Variants in IMMP2L observed in about 807,000 individuals in gnomAD.
IMMP2L encodes the protein mitochondrial inner membrane protease subunit 2.
Under a neutral mutation model 19.3 loss-of-function variants are expected in IMMP2L, and 18 were observed. The ratio of observed to expected loss-of-function variants is 0.93; its 90% CI spans 0.64 to 1.38. The LOEUF (loss-of-function observed/expected upper bound fraction) is 1.38. Ranked by LOEUF, IMMP2L falls within the 40% of genes most tolerant of loss-of-function variation. The probability of loss-of-function intolerance (pLI) is 0.00; values close to 1 mark genes in which losing one functional copy is unlikely to be tolerated. For missense variants in IMMP2L, 233 were observed against 218.2 expected (o/e 1.07, Z -0.43); for synonymous variants, 76 against 73.0 (o/e 1.04, Z -0.21).
intron 3 of IMMP2L, among the ~76,000 whole-genome samples, chr7:111,114,649 T>C (rs547086515): frequency 1.3e-5 from 2 of 151,338 alleles, no homozygotes; most frequent in Admixed American, 6.6e-5. Context: ...GGCAGGAGAA[T>C]TGTTTGAACC....
chr7:110,684,868 T>C (rs956226784), intron 5 of IMMP2L, among the ~76,000 whole-genome samples: 1 of 152,024 alleles, frequency 6.6e-6, no homozygotes, highest in Non-Finnish European at 1.5e-5. Flanking sequence ...ATGGATGAAG[T>C]CTTTTCACAA....
chr7:111,331,299 T>C (rs979734686), intron 3 of IMMP2L, among the ~76,000 whole-genome samples: 2 of 151,874 alleles, frequency 1.3e-5, no homozygotes, highest in Non-Finnish European at 2.9e-5. Context: ...ATGGAGAACA[T>C]TATGCTAAGT....
Position 111,502,413 on chromosome 7 carries a change from A to G in IMMP2L, c.136-15072T>C, listed in dbSNP as rs1009098080. Among the ~76,000 whole-genome samples the G allele has an allele frequency of 2.6e-5, 4 of 152,298 alleles. 1 individual carries two copies. The highest frequency in any genetic ancestry group is 6.8e-3 in the Middle Eastern group (2 of 294). ...GCTGTCAACATTAGACAGATCAACG[A>G]GACAGAAAGTTAACAAGGATATCCA... On this transcript the variant is annotated intron_variant, in intron 2 of 5. Transcript: ENST00000405709.
At chr7:111,463,303 A>G (rs1039737900) in intron 3 of IMMP2L, among the ~76,000 whole-genome samples, 4 of 152,014 alleles carry the variant, frequency 2.6e-5, no homozygotes, top group South Asian at 4.2e-4. Flanking sequence ...CAGATCTTCA[A>G]CTTTTCTGGG....
intron 3 of IMMP2L, among the ~76,000 whole-genome samples, chr7:111,202,667 A>C (rs2129615843): frequency 6.6e-6 from 1 of 152,332 alleles, no homozygotes; most frequent in East Asian, 1.9e-4. Flanking sequence ...GGAAAATATT[A>C]TCCAAGCAAA....
rs556138165 is a variant in IMMP2L at position 111,066,441 on chromosome 7, T to C, written c.240-102876A>G. ...AACAATAAAAACAAAGCAGAAGGCA[T>C]TGGAAAAAAAGATTTTTGTGAAGGA... On this transcript the variant is annotated intron_variant, in intron 3 of 5. Transcript: ENST00000405709. Among the ~76,000 whole-genome samples the C allele has an allele frequency of 5.3e-5, 8 of 152,286 alleles. No individual in the cohort carries two copies. In the South Asian group the frequency reaches 1.2e-3, roughly 24 times the overall value.
chr7:111,279,945 C>T (rs1269563229), intron 3 of IMMP2L, among the ~76,000 whole-genome samples: 2 of 152,108 alleles, frequency 1.3e-5, no homozygotes, highest in African/African-American at 4.8e-5. Flanking sequence ...TGCTGACTAA[C>T]CCACTAGTGT....
chr7:110,750,764 G>T (rs1239806924), intron 5 of IMMP2L, among the ~76,000 whole-genome samples: 1 of 151,982 alleles, frequency 6.6e-6, no homozygotes, highest in Non-Finnish European at 1.5e-5. Flanking sequence ...ATTAATGATA[G>T]GGAACAAGGC....
rs569003251 is a variant in IMMP2L, at chr7:111,239,685, T to G, written c.239+247553A>C. On this transcript the variant is annotated intron_variant, in intron 3 of 5. Transcript: ENST00000405709. ...AGAAAACTTAATCTTCTCCCACATT[T>G]TCAACTGCCTGTGTTTTACTGCCAA... 9.9e-5 allele frequency among the ~76,000 whole-genome samples: 15 copies of G among 152,042 alleles called. 1 individual carries two copies. In the South Asian group the frequency reaches 3.1e-3, roughly 32 times the overall value.
At chr7:111,365,324 C>T (rs1337772367) in intron 3 of IMMP2L, among the ~76,000 whole-genome samples, 1 of 152,080 alleles carries the variant, frequency 6.6e-6, no homozygotes, top group Non-Finnish European at 1.5e-5. Flanking sequence ...TATTTTCATG[C>T]TTATCCTTTT....
chr7:111,351,471 G>C (rs980596034), intron 3 of IMMP2L, among the ~76,000 whole-genome samples: 1 of 152,138 alleles, frequency 6.6e-6, no homozygotes, highest in Non-Finnish European at 1.5e-5. Flanking sequence ...TTACAGGTGT[G>C]AGCCACCGCA....
intron 3 of IMMP2L, among the ~76,000 whole-genome samples, chr7:111,279,493 C>A (rs1324743685): frequency 6.6e-6 from 1 of 152,092 alleles, no homozygotes; most frequent in Non-Finnish European, 1.5e-5. Flanking sequence ...GAGGCAGCAA[C>A]TAAAAAGCTA....
chr7:111,029,875 A>C (rs965369528), intron 3 of IMMP2L, among the ~76,000 whole-genome samples: 2 of 152,142 alleles, frequency 1.3e-5, no homozygotes, highest in Admixed American at 6.5e-5. Context: ...CAGCTTTAAA[A>C]ACACTGACAG....
rs111476021 is a variant in IMMP2L at position 111,021,096 on chromosome 7, C to T, written c.240-57531G>A. 6.1e-4 allele frequency among the ~76,000 whole-genome samples: 93 copies of T among 152,270 alleles called. 1 individual carries two copies. The highest frequency in any genetic ancestry group is 2.1e-3 in the African/African-American group (88 of 41,562). On this transcript the variant is annotated intron_variant, in intron 3 of 5. Coordinates refer to ENST00000405709, the MANE Select transcript of IMMP2L (RefSeq NM_032549.4). ...TTAATAAATTAGTAAATAGTAACCA[C>T]ACTATTCAGAATAACACTGCTCAAT... is the stretch of plus-strand genomic sequence containing the variant.
chr7:110,691,246 T>A (rs555708109), intron 5 of IMMP2L, among the ~76,000 whole-genome samples: 13 of 152,202 alleles, frequency 8.5e-5, no homozygotes, highest in Admixed American at 2.0e-4. Flanking sequence ...TAAGTGGTGC[T>A]AAGAAAACTG....
In IMMP2L at chr7:111,538,566, A is replaced by AGGCAGGAGG. The variant is rs931872880; in HGVS notation, c.-2-17126_-2-17118dup. On this transcript the variant is annotated intron_variant, in intron 1 of 5. Coordinates refer to ENST00000405709, the MANE Select transcript of IMMP2L (RefSeq NM_032549.4). ...TGTAATCCCAGCACTTTGGAGGCCA[A>AGGCAGGAGG]GGCAGGAGGATCACTTGAGCTCAGG... Among the ~76,000 whole-genome samples the AGGCAGGAGG allele has an allele frequency of 8.6e-5, 13 of 151,136 alleles. No homozygotes were observed. The East Asian group carries it at 2.1e-3, about 25-fold the overall frequency.
At chr7:111,090,032 G>T (rs868308802) in intron 3 of IMMP2L, among the ~76,000 whole-genome samples, 1 of 151,930 alleles carries the variant, frequency 6.6e-6, no homozygotes, top group Admixed American at 6.6e-5. Flanking sequence ...CAAAACTGGG[G>T]TTGGAGTCAT....
rs142385301 is a variant in IMMP2L at position 111,543,257 on chromosome 7, A to G, written c.-3+18594T>C. On this transcript the variant is annotated intron_variant, in intron 1 of 5. Coordinates refer to ENST00000405709, the MANE Select transcript of IMMP2L (RefSeq NM_032549.4). Reference sequence around the variant, plus strand: ...AATTTTAAACTACTACTTTTTCTCCAGTAGTTCATTATCTATCTATTAAAA... The same window carrying G: ...AATTTTAAACTACTACTTTTTCTCCGGTAGTTCATTATCTATCTATTAAAA... Among the ~76,000 whole-genome samples, 323 of 152,310 alleles carry G rather than the reference A, an allele frequency of 2.1e-3. 3 individuals carry two copies. Among genetic ancestry groups the G allele is most frequent in the African/African-American group, 7.4e-3 (306 of 41,576 alleles).
At chr7:111,250,151 T>G (rs1437427250) in intron 3 of IMMP2L, among the ~76,000 whole-genome samples, 1 of 151,966 alleles carries the variant, frequency 6.6e-6, no homozygotes, top group Non-Finnish European at 1.5e-5. Context: ...GAACTCCCAT[T>G]CACAATTCCT....
Sources: gnomAD v4.1 joint callset for allele counts (sites outside exome capture counted in the v4.1 genomes callset) on GRCh38, gnomAD v4.1.1 for gene constraint, MANE v1.5 for transcripts, NCBI Gene and HGNC (gene_info 2026-07-23, HGNC 2026-07-21) for gene names.